The following BBS9 variants were observed in gnomAD, a reference collection of about 807,000 sequenced individuals.
The protein encoded by BBS9 is protein PTHB1.
Under a neutral mutation model 117.7 loss-of-function variants are expected in BBS9, and 89 were observed. That is an observed-to-expected ratio of 0.76 (90% CI 0.64 to 0.90). The LOEUF is 0.90. Among genes scored for constraint, BBS9 ranks in the 40% least tolerant of loss-of-function variants. BBS9 has a pLI of 0.00. For missense variants in BBS9, 982 were observed against 1,042.2 expected (o/e 0.94, Z 0.80); for synonymous variants, 379 against 370.9 (o/e 1.02, Z -0.25).
chr7:33,629,788 AT>A (rs1262919652), intron 21 of BBS9, among the ~76,000 whole-genome samples: 8 of 152,200 alleles, frequency 5.3e-5, no homozygotes, highest in Non-Finnish European at 8.8e-5. Flanking sequence ...GAAACCATGT[AT>A]TCAGCTCAAT....
intron 21 of BBS9, among the ~76,000 whole-genome samples, chr7:33,572,555 A>G (rs979363976): frequency 2.0e-5 from 3 of 152,080 alleles, no homozygotes; most frequent in African/African-American, 7.2e-5. Context: ...TTACATTCCC[A>G]CCAACAGTGT....
intron 21 of BBS9, among the ~76,000 whole-genome samples, chr7:33,602,819 G>A (rs1420331289): frequency 6.6e-6 from 1 of 152,148 alleles, no homozygotes; most frequent in East Asian, 1.9e-4. Flanking sequence ...GTCTGAGGAG[G>A]TGCATGCAAT....
intron 21 of BBS9, among the ~76,000 whole-genome samples, chr7:33,545,700 T>C (rs1164660643): frequency 6.6e-6 from 1 of 152,082 alleles, no homozygotes; most frequent in Non-Finnish European, 1.5e-5. Flanking sequence ...CTGCCTCCCG[T>C]CTGTCATGAT....
chr7:33,501,809 TAA>T (rs1845486247), intron 19 of BBS9, among the ~76,000 whole-genome samples: 2 of 152,332 alleles, frequency 1.3e-5, no homozygotes, highest in Non-Finnish European at 2.9e-5. Context: ...CCTACAGAGT[TAA>T]GTGAATGCTT....
intron 6 of BBS9, among the ~76,000 whole-genome samples, chr7:33,259,895 T>C (rs1797683314): frequency 6.6e-6 from 1 of 152,060 alleles, no homozygotes; most frequent in Non-Finnish European, 1.5e-5. Flanking sequence ...TTTCCGTTTT[T>C]TTTTTTTTCT....
rs570658193 is a variant in BBS9 at position 33,546,651 on chromosome 7, C to G, written c.2521+12475C>G. On this transcript the variant is annotated intron_variant, in intron 21 of 22. Coordinates refer to ENST00000242067, the MANE Select transcript of BBS9 (RefSeq NM_198428.3). The stretch of plus-strand genomic sequence containing the variant: ...TGAAATACTCATTATTCTCCACACA[C>G]AACATGCATTTCAAGTTTCTATGCT... 5.9e-5 allele frequency among the ~76,000 whole-genome samples: 9 copies of G among 152,328 alleles called. No homozygotes were observed. In the East Asian group the frequency reaches 1.7e-3, roughly 29 times the overall value.
At chr7:33,594,815 A>G (rs1197766472) in intron 21 of BBS9, among the ~76,000 whole-genome samples, 3 of 152,086 alleles carry the variant, frequency 2.0e-5, no homozygotes, top group Non-Finnish European at 4.4e-5. Flanking sequence ...TGCCTGTTGT[A>G]TTTATTAAGA....
chr7:33,501,896 C>A (rs1462748007), intron 19 of BBS9, among the ~76,000 whole-genome samples: 1 of 151,696 alleles, frequency 6.6e-6, no homozygotes, highest in African/African-American at 2.4e-5. Context: ...TGTCCCTAAA[C>A]TGGACTTATT....
In BBS9 at chr7:33,257,252, C is replaced by T. The variant is rs1423096639; in HGVS notation, c.459C>T (p.Cys153=). 3 of 1,610,718 alleles carry T rather than the reference C, an allele frequency of 1.9e-6. No homozygotes were observed. In the Admixed American group the frequency reaches 5.0e-5, roughly 27 times the overall value. ...CTTCTTTAGGTCGAGATTTAATTTGCATCCAGTCTATGGATGGGATGCTGA... is the reference window on the plus strand; with the variant it reads ...CTTCTTTAGGTCGAGATTTAATTTGTATCCAGTCTATGGATGGGATGCTGA... ...FGGVKGRDLI[C]IQSMDGMLMV... Residue 153 remains cysteine, a synonymous_variant, in exon 6 of 23, where the codon TGC becomes TGT. Coordinates refer to ENST00000242067, the MANE Select transcript of BBS9 (RefSeq NM_198428.3).
At chr7:33,140,725 T>C (rs1300680793) in intron 1 of BBS9, among the ~76,000 whole-genome samples, 1 of 152,228 alleles carries the variant, frequency 6.6e-6, no homozygotes, top group African/African-American at 2.4e-5. Flanking sequence ...TTTTGAATGC[T>C]TGCTACCAGA....
chr7:33,614,824 T>C (rs750933000), intron 21 of BBS9, among the ~76,000 whole-genome samples: 9 of 152,024 alleles, frequency 5.9e-5, no homozygotes, highest in Non-Finnish European at 1.2e-4. Flanking sequence ...TTTCCAACAG[T>C]GTGAGAGGAA....
chr7:33,149,241 T>C (rs1369550833), intron 2 of BBS9, among the ~76,000 whole-genome samples: 2 of 152,168 alleles, frequency 1.3e-5, no homozygotes, highest in African/African-American at 2.4e-5. Context: ...AGGATTAACC[T>C]TGGACAGATG....
chr7:33,616,509 A>C (rs887281254), intron 21 of BBS9, among the ~76,000 whole-genome samples: 1 of 147,756 alleles, frequency 6.8e-6, no homozygotes, highest in Non-Finnish European at 1.5e-5. Flanking sequence ...ATATATATAT[A>C]TATATATAGA....
chr7:33,403,894 G>A (rs1024014202), intron 19 of BBS9, among the ~76,000 whole-genome samples: 2 of 152,126 alleles, frequency 1.3e-5, no homozygotes, highest in African/African-American at 2.4e-5. Flanking sequence ...TCGCCACACC[G>A]ACTTCCACAG....
At chr7:33,615,820 A>AG (rs1390517055) in intron 21 of BBS9, among the ~76,000 whole-genome samples, 1 of 152,064 alleles carries the variant, frequency 6.6e-6, no homozygotes, top group Non-Finnish European at 1.5e-5. Context: ...AAGAAGCTAG[A>AG]GGGGAAAAAC....
intron 19 of BBS9, among the ~76,000 whole-genome samples, chr7:33,431,407 A>C (rs1279094891): frequency 6.6e-6 from 1 of 152,080 alleles, no homozygotes; most frequent in Non-Finnish European, 1.5e-5. Flanking sequence ...TGTGATCTGA[A>C]TGTTTGTGCC....
At chr7:33,541,131 T>C (rs1852227389) in intron 21 of BBS9, among the ~76,000 whole-genome samples, 2 of 152,144 alleles carry the variant, frequency 1.3e-5, no homozygotes, top group Admixed American at 1.3e-4. Context: ...GTATGCCTTC[T>C]GGTTGGCCTC....
intron 4 of BBS9, among the ~76,000 whole-genome samples, chr7:33,165,524 G>GT (rs1033181797): frequency 2.3e-3 from 333 of 143,742 alleles, no homozygotes; most frequent in Admixed American, 3.8e-3. Context: ...GGCTTTGTTC[G>GT]TTTTTTTTTT....
intron 20 of BBS9, among the ~76,000 whole-genome samples, chr7:33,528,168 T>C (rs1181313338): frequency 6.6e-6 from 1 of 152,182 alleles, no homozygotes; most frequent in Admixed American, 6.5e-5. Flanking sequence ...TTTTTCCCTT[T>C]AATACAGTTT....
Sources: allele counts gnomAD v4.1 joint callset (sites outside exome capture counted in the v4.1 genomes callset), GRCh38; gene constraint gnomAD v4.1.1; transcripts MANE v1.5; gene names NCBI Gene and HGNC (gene_info 2026-07-23, HGNC 2026-07-21).